CCND3: variants seen among roughly 807,000 people sequenced by gnomAD.
The protein encoded by CCND3 is G1/S-specific cyclin-D3.
In CCND3, 9 loss-of-function variants were observed where a neutral mutation model predicts 28.7. That is an observed-to-expected ratio of 0.31 (90% CI 0.19 to 0.55). The LOEUF is 0.55. CCND3 is among the 20% of genes least tolerant of loss of function. CCND3 has a pLI of 0.93. For missense variants in CCND3, 315 were observed against 385.8 expected (o/e 0.82, Z 1.54); for synonymous variants, 164 against 163.9 (o/e 1.00, Z 0.00).
intron 1 of CCND3, among the ~76,000 whole-genome samples, chr6:41,980,914 A>G (rs1762327392): frequency 6.6e-6 from 1 of 152,188 alleles, no homozygotes; most frequent in African/African-American, 2.4e-5. Context: ...AAACCCTACA[A>G]CTAACATCAT....
At chr6:41,971,032 C>A (rs756117377) in intron 1 of CCND3, among the ~76,000 whole-genome samples, 28 of 152,096 alleles carry the variant, frequency 1.8e-4, no homozygotes, top group Non-Finnish European at 3.1e-4. Flanking sequence ...ATTCTCCTGC[C>A]GCAGCCTCCC....
chr6:41,941,541 G>T lies in CCND3; in HGVS notation c.109C>A (p.Arg37Ser). The stretch of plus-strand genomic sequence containing the variant: ...AAGTAGGAGGCGCGGGGTACGTAGC[G>T]CTCCTCCAGGCGGAGCAGGCTCTGC... ...VLQSLLRLEERYVPRASYFQC... is the reference protein window; with the variant it reads ...VLQSLLRLEESYVPRASYFQC... The change falls in exon 1 of 5, where the codon CGC becomes AGC. Residue 37 changes from arginine to serine, a missense_variant. Transcript: ENST00000372991. The surrounding 1 kb of genome is among the most constrained non-coding windows in gnomAD (Gnocchi z 6.1). 1 of 1,599,170 alleles carries T rather than the reference G, an allele frequency of 6.3e-7. No homozygotes were observed. The highest frequency in any genetic ancestry group is 1.1e-5 in the South Asian group (1 of 88,764).
chr6:42,031,140 C>T (rs769295181), intron 1 of CCND3: 1 of 152,378 alleles, frequency 6.6e-6, no homozygotes, highest in Non-Finnish European at 1.5e-5. Context: ...CCTGCTCTGG[C>T]CACCTTAGTT....
intron 1 of CCND3, among the ~76,000 whole-genome samples, chr6:41,960,558 C>T (rs1235938120): frequency 2.0e-5 from 3 of 152,106 alleles, no homozygotes; most frequent in African/African-American, 7.2e-5. Context: ...TGTGTGTGAC[C>T]GGGGGAAATT....
chr6:41,983,644 C>T (rs953501999), intron 1 of CCND3, among the ~76,000 whole-genome samples: 6 of 151,816 alleles, frequency 4.0e-5, no homozygotes, highest in South Asian at 2.1e-4. Flanking sequence ...ATTCAAGACC[C>T]GCCTGGGCAA....
At chr6:42,019,237 C>T (rs1763624940) in intron 1 of CCND3, among the ~76,000 whole-genome samples, 1 of 152,044 alleles carries the variant, frequency 6.6e-6, no homozygotes, top group South Asian at 2.1e-4. Flanking sequence ...CCTGTAATCC[C>T]AGCACTTTGG....
At chr6:42,008,947 T>C (rs1447149979) in intron 1 of CCND3, among the ~76,000 whole-genome samples, 1 of 152,128 alleles carries the variant, frequency 6.6e-6, no homozygotes, top group Admixed American at 6.6e-5. Context: ...GAAGGAGGTA[T>C]TGCTTGGAGG....
rs566357400 is a variant in CCND3 at position 42,014,300 on chromosome 6, G to C, written c.-46+34201C>G. On this transcript the variant is annotated intron_variant, in intron 1 of 4. Transcript: ENST00000372988. ...GAGAATGGCGTGAACCCCGGGGGGCGGAGCCTGCAGTGAGCCGAGATGGCG... is the reference window on the plus strand; with the variant it reads ...GAGAATGGCGTGAACCCCGGGGGGCCGAGCCTGCAGTGAGCCGAGATGGCG... 2.6e-5 allele frequency among the ~76,000 whole-genome samples: 4 copies of C among 152,082 alleles called. No homozygotes were observed. The South Asian group carries it at 6.2e-4, about 24-fold the overall frequency.
intron 1 of CCND3, among the ~76,000 whole-genome samples, chr6:42,014,761 T>C (rs779586718): frequency 2.6e-5 from 4 of 152,190 alleles, no homozygotes; most frequent in Non-Finnish European, 5.9e-5. Flanking sequence ...GCACTCCAGC[T>C]TGGGTGACAG....
chr6:42,048,813 C>A lies in CCND3; in HGVS notation c.-358G>T, dbSNP rs951260750. ...GGTCCCCGGCCTGACTCTCCCACCC[C>A]CTGTACACCCTCGGCGAGGCCAGGA... On this transcript the variant is annotated 5_prime_UTR_variant, in exon 1 of 5. Transcript: ENST00000372988. The surrounding 1 kb of genome is among the most constrained non-coding windows in gnomAD (Gnocchi z 4.7). The A allele has an allele frequency of 3.3e-5, 13 of 392,628 alleles. No homozygotes were observed. The highest frequency in any genetic ancestry group is 1.1e-4 in the African/African-American group (5 of 46,166). 24.3% of individuals were successfully genotyped at this position (392,628 alleles called of 1,614,324 possible).
At chr6:42,041,845 G>T (rs4333413) in intron 1 of CCND3, among the ~76,000 whole-genome samples, 92,530 of 152,066 alleles carry the variant, frequency 0.61, 28,397 homozygotes, top group East Asian at 0.84. Flanking sequence ...CTCCTGCCCC[G>T]GGCTGGTCCT....
intron 1 of CCND3, among the ~76,000 whole-genome samples, chr6:42,045,031 G>C (rs555855858): frequency 2.1e-5 from 3 of 145,426 alleles, no homozygotes; most frequent in South Asian, 2.2e-4. Flanking sequence ...GTCTCGAACT[G>C]CTGACCTCGT....
chr6:41,974,470 G>T (rs1762117727), intron 1 of CCND3, among the ~76,000 whole-genome samples: 1 of 152,118 alleles, frequency 6.6e-6, no homozygotes, highest in Admixed American at 6.6e-5. Flanking sequence ...AGAAGTAGCT[G>T]GGGGTTGCTA....
intron 1 of CCND3, among the ~76,000 whole-genome samples, chr6:41,981,621 T>C (rs1314506016): frequency 6.6e-6 from 1 of 151,994 alleles, no homozygotes; most frequent in East Asian, 1.9e-4. Context: ...CCTCTGGAGT[T>C]CATGAGATTC....
intron 1 of CCND3, among the ~76,000 whole-genome samples, chr6:41,979,262 A>G (rs1424390337): frequency 2.0e-5 from 3 of 150,780 alleles, no homozygotes; most frequent in East Asian, 2.0e-4. Context: ...GGCCGGGCAC[A>G]GTGGCTCACA....
intron 1 of CCND3, among the ~76,000 whole-genome samples, chr6:42,036,817 C>A (rs1764233644): frequency 6.6e-6 from 1 of 152,044 alleles, no homozygotes; most frequent in African/African-American, 2.4e-5. Flanking sequence ...CAGCTGTCTT[C>A]TATGAAGTCA....
intron 1 of CCND3, among the ~76,000 whole-genome samples, chr6:42,017,465 C>T (rs1404864602): frequency 6.6e-6 from 1 of 152,244 alleles, no homozygotes; most frequent in Non-Finnish European, 1.5e-5. Flanking sequence ...GCTTGTCCTT[C>T]AAGATCCACT....
intron 1 of CCND3, among the ~76,000 whole-genome samples, chr6:42,004,784 T>A (rs954212037): frequency 1.3e-5 from 2 of 152,074 alleles, no homozygotes; most frequent in Admixed American, 6.6e-5. Flanking sequence ...AACCAGTATA[T>A]CTTTTAAAGT....
At position 41,941,111 on chromosome 6, in the gene CCND3, T is replaced by C. The variant is rs2127394643; in HGVS notation, c.198+341A>G. 1 of 1,520,524 alleles carries C rather than the reference T, an allele frequency of 6.6e-7. No homozygotes were observed. The highest frequency in any genetic ancestry group is 2.2e-5 in the Admixed American group (1 of 45,064). 94.2% of individuals were successfully genotyped at this position (1,520,524 alleles called of 1,614,324 possible). ...GCGGGGGCGGCCGAGCCCAGGGTTT[T>C]CCAGGCGCGCTCTCCGGAGAAGGCC... On this transcript the variant is annotated intron_variant, in intron 1 of 4. Coordinates refer to ENST00000372991, the MANE Select transcript of CCND3 (RefSeq NM_001760.5). This position sits in a 1 kb window ranked among gnomAD's most constrained non-coding sequence, Gnocchi z 6.1.
Sources: gnomAD v4.1 joint callset for allele counts (sites outside exome capture counted in the v4.1 genomes callset) on GRCh38, gnomAD v4.1.1 for gene constraint, Gnocchi (gnomAD v3.1) non-coding constraint, MANE v1.5 for transcripts, NCBI Gene and HGNC (gene_info 2026-07-23, HGNC 2026-07-21) for gene names.